The following NUP214 variants were observed in gnomAD, a reference collection of about 807,000 sequenced individuals.
NUP214 encodes the protein nucleoporin 214.
A neutral mutation model predicts 196.2 loss-of-function variants in NUP214; 79 were observed. That is an observed-to-expected ratio of 0.40 (90% CI 0.34 to 0.49). NUP214 has a LOEUF of 0.49. Ranked by LOEUF, NUP214 falls within the 20% of genes least tolerant of loss-of-function variation. The pLI, the probability that NUP214 is intolerant of heterozygous loss-of-function variation, is 0.58. For missense variants in NUP214, 2,468 were observed against 2,539.0 expected, an observed-to-expected ratio of 0.97 and a Z score of 0.60; for synonymous variants, 1,020 against 990.5, an observed-to-expected ratio of 1.03 and a Z score of -0.56.
At chr9:131,196,032 C>CCG (rs1833775732) in intron 28 of NUP214, among the ~76,000 whole-genome samples, 1 of 34,562 alleles carries the variant, frequency 2.9e-5, no homozygotes, top group African/African-American at 7.7e-5. Flanking sequence ...GTGTCCCCCC[C>CCG]CCCCCCCGCG....
At chr9:131,158,582 T>C (rs1832529535) in intron 17 of NUP214, among the ~76,000 whole-genome samples, 3 of 152,248 alleles carry the variant, frequency 2.0e-5, no homozygotes, top group South Asian at 2.1e-4. Flanking sequence ...AGATGACTTA[T>C]ATGTTCTATG....
intron 9 of NUP214, among the ~76,000 whole-genome samples, chr9:131,138,046 G>A (rs1369590340): frequency 6.6e-6 from 1 of 152,116 alleles, no homozygotes; most frequent in African/African-American, 2.4e-5. Flanking sequence ...ATATGAACGT[G>A]TCTGTTACCT....
At chr9:131,172,216 T>C (rs1250690725) in intron 21 of NUP214, among the ~76,000 whole-genome samples, 1 of 151,810 alleles carries the variant, frequency 6.6e-6, no homozygotes, top group Non-Finnish European at 1.5e-5. Flanking sequence ...CCAGCACCTG[T>C]TGTTTCCTGA....
Position 131,146,452 on chromosome 9 carries a change from T to G in NUP214, c.1945+148T>G. ...ACATTAATGATTAATGTGCTGTGAT[T>G]TTCATACTCTGAATTGGGAGATTTG... On this transcript the variant is annotated intron_variant, in intron 13 of 35. Coordinates refer to ENST00000359428, the MANE Select transcript of NUP214 (RefSeq NM_005085.4). The surrounding 1 kb of genome is among the most constrained non-coding windows in gnomAD (Gnocchi z 4.6). The G allele has an allele frequency of 1.3e-6, 1 of 794,064 alleles. No individual in the cohort carries two copies. The highest frequency in any genetic ancestry group is 2.0e-6 in the Non-Finnish European group (1 of 500,986). 49.2% of individuals were successfully genotyped at this position (794,064 alleles called of 1,614,324 possible).
chr9:131,135,244 C>T (rs1289699108), intron 8 of NUP214: 2 of 427,870 alleles, frequency 4.7e-6, no homozygotes, highest in Non-Finnish European at 8.2e-6. Flanking sequence ...TGCCACCACA[C>T]CTGGCTTATT....
chr9:131,144,331 C>T lies in NUP214; in HGVS notation c.1346C>T (p.Ala449Val), dbSNP rs747507764. ...TSSQAPQKLDASAAAAPASLP... is the reference protein window; with the variant it reads ...TSSQAPQKLDVSAAAAPASLP... ...TCTCAAGCCCCACAGAAACTGGATG[C>T]TTCTGCAGCTGCAGCCCCTGCCTCT... Residue 449 changes from alanine (A) to valine (V), a missense_variant, in exon 12 of 36, where the codon GCT becomes GTT. Ala to Val is a moderately conservative substitution (Grantham distance 64). Coordinates refer to ENST00000359428, the MANE Select transcript of NUP214 (RefSeq NM_005085.4). 1 of 1,614,170 alleles carries T rather than the reference C, an allele frequency of 6.2e-7. No individual in the cohort carries two copies. Among genetic ancestry groups the T allele is most frequent in the South Asian group, 1.1e-5 (1 of 91,084 alleles).
chr9:131,147,727 C>T (rs1333983763), intron 14 of NUP214, 143 bp downstream of exon 14: 4 of 649,680 alleles, frequency 6.2e-6, no homozygotes, highest in East Asian at 2.7e-5. Context: ...TACCAAAGTG[C>T]GAGGTTTGAA....
At chr9:131,220,957 C>G (rs986181486) in intron 31 of NUP214, among the ~76,000 whole-genome samples, 10 of 152,206 alleles carry the variant, frequency 6.6e-5, no homozygotes, top group Non-Finnish European at 1.3e-4. Context: ...CCAAGTTTCT[C>G]CAAGAGGAGA....
In NUP214 at chr9:131,127,558, T is replaced by C; in HGVS notation, c.80T>C (p.Ile27Thr). 6.2e-7 allele frequency: 1 copy of C among 1,613,736 alleles called. No individual in the cohort carries two copies. The highest frequency in any genetic ancestry group is 8.5e-7 in the Non-Finnish European group (1 of 1,179,868). ...TTTAGAGCGCTAAAGAAGGTGAGAA[T>C]CTTTGACTCCCCTGAGGAATTGCCC... is the stretch of plus-strand genomic sequence containing the variant. ...FQFRALKKVR[I>T]FDSPEELPKE... The change falls in exon 2 of 36, where the codon ATC becomes ACC. Residue 27 changes from isoleucine (I) to threonine (T), a missense_variant. Transcript: ENST00000359428.
intron 9 of NUP214, among the ~76,000 whole-genome samples, chr9:131,137,148 T>C (rs7870598): frequency 0.27 from 41,495 of 152,178 alleles, 5,961 homozygotes; most frequent in East Asian, 0.42. Flanking sequence ...TTCTTATTAG[T>C]ACAAGTATTT....
At chr9:131,170,029 A>T (rs1832910008) in intron 21 of NUP214, among the ~76,000 whole-genome samples, 1 of 152,150 alleles carries the variant, frequency 6.6e-6, no homozygotes, top group Non-Finnish European at 1.5e-5. Context: ...TTAGTGTTTC[A>T]TGGGGATGAA....
At chr9:131,159,685 C>G (rs1248320050) in intron 18 of NUP214, among the ~76,000 whole-genome samples, 199 bp downstream of exon 18, 4 of 152,124 alleles carry the variant, frequency 2.6e-5, no homozygotes, top group Non-Finnish European at 5.9e-5. Flanking sequence ...TGGAGAAACC[C>G]TGTCTCTACC....
intron 32 of NUP214, among the ~76,000 whole-genome samples, chr9:131,223,462 G>C (rs1196417246): frequency 6.6e-6 from 1 of 152,028 alleles, no homozygotes; most frequent in Non-Finnish European, 1.5e-5. Context: ...ACCGCGCCCA[G>C]CTGTAATGCA....
At chr9:131,228,044 C>T in intron 32 of NUP214, 116 bp from the exon 33 acceptor site, 2 of 1,023,570 alleles carry the variant, frequency 2.0e-6, no homozygotes, top group Non-Finnish European at 2.7e-6. Flanking sequence ...TGCTAACATC[C>T]TCTTTTCCCT....
intron 22 of NUP214, 125 bp downstream of exon 22, chr9:131,174,443 TTTTCTTTTTTTC>T: frequency 3.7e-6 from 2 of 545,922 alleles, no homozygotes; most frequent in Non-Finnish European, 5.1e-6. Flanking sequence ...TTTTTTTTTT[TTTTCTTTTTTTC>T]TTTTTTTTTT....
intron 30 of NUP214, among the ~76,000 whole-genome samples, chr9:131,203,849 T>G (rs114482263): frequency 3.9e-5 from 6 of 152,208 alleles, no homozygotes; most frequent in African/African-American, 1.4e-4. Flanking sequence ...TTTACTAATC[T>G]GAGAAAATGT....
chr9:131,195,835 G>A (rs890776840), intron 28 of NUP214, among the ~76,000 whole-genome samples: 4 of 152,078 alleles, frequency 2.6e-5, no homozygotes. Context: ...AGACCAGCCT[G>A]ACCAACATGG....
Position 131,232,174 on chromosome 9 carries a change from C to T in NUP214, c.6215-110C>T, listed in dbSNP as rs1324191163. 12 of 1,150,350 alleles carry T rather than the reference C, an allele frequency of 1.0e-5. No individual in the cohort carries two copies. Among genetic ancestry groups the T allele is most frequent in the East Asian group, 4.7e-5 (2 of 42,650 alleles). The allele number at this position is 1,150,350 out of a possible 1,614,324, so 71.3% of individuals were successfully genotyped here. On this transcript the variant is annotated intron_variant, in intron 34 of 35. Transcript: ENST00000359428. The surrounding 1 kb of genome is among the most constrained non-coding windows in gnomAD (Gnocchi z 5.1). ...TGCCTTCCTGTAGGTGGTGGAGGCA[C>T]GGAGGGCTTCCCACAAGAAGCACAG...
rs140068123 is a variant in NUP214, at chr9:131,129,477, G to A, written c.592G>A (p.Val198Met). ...TCCTTCCACGGTAGCAGTAACCTCT[G>A]GTGAGTAATAAAGGCTTTCACACTG... ...TLPSTVAVTS[V>M]CWSPKGKQLA... Residue 198 changes from valine to methionine, a missense_variant and splice_region_variant, in exon 4 of 36, where the codon GTG becomes ATG. Val to Met is a conservative substitution (Grantham distance 21). Around this residue, in one of 5 missense-constraint regions of NUP214, gnomAD observed 392 missense variants for 417.9 expected, o/e 0.94. Transcript: ENST00000359428. 25 of 1,613,826 alleles carry A rather than the reference G, an allele frequency of 1.5e-5. No individual in the cohort carries two copies. The highest frequency in any genetic ancestry group is 2.1e-5 in the Non-Finnish European group (25 of 1,179,752).
Sources: allele counts gnomAD v4.1 joint callset (sites outside exome capture counted in the v4.1 genomes callset), GRCh38; gene constraint gnomAD v4.1.1; regional missense constraint gnomAD v4.1.1; non-coding constraint Gnocchi (gnomAD v3.1); transcripts MANE v1.5; gene names NCBI Gene and HGNC (gene_info 2026-07-23, HGNC 2026-07-21).